The following RWDD1 variants were observed in gnomAD, a reference collection of about 807,000 sequenced individuals.
The protein encoded by RWDD1 is RWD domain containing 1.
Under a neutral mutation model 31.6 loss-of-function variants are expected in RWDD1, and 17 were observed. The ratio of observed to expected loss-of-function variants is 0.54; its 90% CI spans 0.37 to 0.81. RWDD1 has a LOEUF of 0.81. RWDD1 is among the 30% of genes least tolerant of loss of function. The pLI is 0.00. For synonymous variants in RWDD1, 78 were observed against 94.2 expected, an observed-to-expected ratio of 0.83 and a Z score of 0.99; for missense variants, 204 against 274.5, an observed-to-expected ratio of 0.74 and a Z score of 1.82.
chr6:116,583,238 A>G (rs531236701), intron 2 of RWDD1, among the ~76,000 whole-genome samples: 4 of 152,228 alleles, frequency 2.6e-5, no homozygotes, highest in East Asian at 1.9e-4. Context: ...TGGCTGTCCA[A>G]AGTACTGAGA....
intron 3 of RWDD1, among the ~76,000 whole-genome samples, chr6:116,585,228 C>T (rs2115331696): frequency 6.6e-6 from 1 of 151,916 alleles, no homozygotes; most frequent in South Asian, 2.1e-4. Context: ...CTTCTTCCCT[C>T]TCTGACTTTT....
intron 1 of RWDD1, among the ~76,000 whole-genome samples, chr6:116,578,885 C>CTT (rs34666862): frequency 1.3e-5 from 2 of 151,464 alleles, no homozygotes; most frequent in Admixed American, 6.6e-5. Context: ...TTGGGGTTTT[C>CTT]TTTTTTTTGA....
Position 116,580,300 on chromosome 6 carries a change from T to C in RWDD1, c.79T>C (p.Ser27Pro). The change falls in exon 2 of 7, where the codon TCA (serine) becomes CCA (proline). Residue 27 changes from serine to proline, a missense_variant. By Grantham distance (74) the Ser-to-Pro change is moderately conservative. Coordinates refer to ENST00000466444, the MANE Select transcript of RWDD1 (RefSeq NM_015952.4). ...SIYPDSFTVL[S>P]ENPPSFTITV... is the part of the protein sequence containing the mutation. ...CTGTGTGTATTTTCTTGCAGTATTA[T>C]CAGAAAATCCACCCAGCTTCACCAT... is the stretch of plus-strand genomic sequence containing the variant. 1.9e-6 allele frequency: 3 copies of C among 1,599,770 alleles called. No individual in the cohort carries two copies. Among genetic ancestry groups the C allele is most frequent in the Non-Finnish European group, 2.6e-6 (3 of 1,170,478 alleles).
At chr6:116,583,062 C>T (rs1774976422) in intron 2 of RWDD1, among the ~76,000 whole-genome samples, 1 of 151,724 alleles carries the variant, frequency 6.6e-6, no homozygotes, top group South Asian at 2.1e-4. Flanking sequence ...ACTGCAGCCT[C>T]CAACTCCTGG....
chr6:116,584,915 T>C (rs890763299), intron 3 of RWDD1, 58 bp downstream of exon 3: 1 of 1,340,208 alleles, frequency 7.5e-7, no homozygotes, highest in Non-Finnish European at 1.1e-6. Context: ...AAATATTACA[T>C]ATTAATTTCA....
At chr6:116,576,623 C>A (rs1583329573) in intron 1 of RWDD1, among the ~76,000 whole-genome samples, 1 of 151,914 alleles carries the variant, frequency 6.6e-6, no homozygotes, top group Non-Finnish European at 1.5e-5. Context: ...TCCTCATTTA[C>A]CAAATAGTTA....
At chr6:116,588,119 G>C (rs939035418) in intron 3 of RWDD1, among the ~76,000 whole-genome samples, 1 of 152,130 alleles carries the variant, frequency 6.6e-6, no homozygotes, top group Non-Finnish European at 1.5e-5. Context: ...AGAAGCCCTA[G>C]TGAATTTGAT....
At chr6:116,592,756 G>A (rs952027854) in intron 6 of RWDD1, among the ~76,000 whole-genome samples, 1 of 151,786 alleles carries the variant, frequency 6.6e-6, no homozygotes, top group Non-Finnish European at 1.5e-5. Flanking sequence ...TTTAATAACT[G>A]GATTTTTAGA....
chr6:116,594,055 G>C lies in RWDD1; in HGVS notation c.*954G>C, dbSNP rs1282094973. ...ACGCTGCTTCCACTCATGGTAGAAG[G>C]GGAAGAGGCACTATGTGTGTAGAGA... On this transcript the variant is annotated 3_prime_UTR_variant, in exon 7 of 7. Transcript: ENST00000466444. 6.6e-6 allele frequency: 1 copy of C among 151,116 alleles called. No individual in the cohort carries two copies. Among genetic ancestry groups the C allele is most frequent in the Non-Finnish European group, 1.5e-5 (1 of 68,080 alleles). The allele number at this position is 151,116 out of a possible 1,614,324, so 9.4% of individuals were successfully genotyped here. A position where few individuals can be genotyped will look rare whatever the true frequency, so the allele number is the denominator to read the frequency against.
At position 116,575,956 on chromosome 6, in the gene RWDD1, G is replaced by A. The variant is rs1327042618; in HGVS notation, c.73+4301G>A. 2.0e-5 allele frequency among the ~76,000 whole-genome samples: 3 copies of A among 152,306 alleles called. No individual in the cohort carries two copies. The East Asian group carries it at 5.8e-4, about 29-fold the overall frequency. On this transcript the variant is annotated intron_variant, in intron 1 of 6. Coordinates refer to ENST00000466444, the MANE Select transcript of RWDD1 (RefSeq NM_015952.4). ...CTTTTTAGTGGGAACTTAGTCATTTGGTGAGAGCTAGCTGGAAATGAAACT... is the reference window on the plus strand; with the variant it reads ...CTTTTTAGTGGGAACTTAGTCATTTAGTGAGAGCTAGCTGGAAATGAAACT...
chr6:116,579,283 A>G (rs1401288101), intron 1 of RWDD1, among the ~76,000 whole-genome samples: 6 of 152,240 alleles, frequency 3.9e-5, no homozygotes, highest in African/African-American at 1.4e-4. Flanking sequence ...TTGCTCTTTC[A>G]TTCTGAAAAA....
At chr6:116,586,421 T>C (rs1160484152) in intron 3 of RWDD1, among the ~76,000 whole-genome samples, 4 of 152,136 alleles carry the variant, frequency 2.6e-5, no homozygotes, top group Non-Finnish European at 4.4e-5. Flanking sequence ...TGTTTTATAA[T>C]ATTCTCTTTT....
rs1775218451 is a variant in RWDD1, at chr6:116,595,035, G to GA, written c.*1937dup. ...AATGTTCAGCATTTCTTTGCAGAGA[G>GA]AAATCCAAAAGTTTGTCCTATGTGA... On this transcript the variant is annotated 3_prime_UTR_variant, in exon 7 of 7. Coordinates refer to ENST00000466444, the MANE Select transcript of RWDD1 (RefSeq NM_015952.4). 2.0e-5 allele frequency: 3 copies of GA among 152,200 alleles called. No individual in the cohort carries two copies. Among genetic ancestry groups the GA allele is most frequent in the Non-Finnish European group, 4.4e-5 (3 of 68,034 alleles). The allele number at this position is 152,200 out of a possible 1,614,324, so 9.4% of individuals were successfully genotyped here.
intron 5 of RWDD1, 80 bp from the exon 6 acceptor site, chr6:116,590,808 A>G: frequency 1.3e-6 from 2 of 1,487,520 alleles, no homozygotes; most frequent in Admixed American, 6.0e-5. Flanking sequence ...GAGGTTTTCA[A>G]ATTTGCTTTC....
rs1031693052 is a variant in RWDD1 at position 116,581,678 on chromosome 6, A to G, written c.139+1318A>G. On this transcript the variant is annotated intron_variant, in intron 2 of 6. Coordinates refer to ENST00000466444, the MANE Select transcript of RWDD1 (RefSeq NM_015952.4). ...CGATCTCACAGGTAATTAAAAATGC[A>G]AGCTAAAATAATATATCCAGCAAAT... 3.9e-5 allele frequency among the ~76,000 whole-genome samples: 6 copies of G among 152,188 alleles called. No individual in the cohort carries two copies. The South Asian group carries it at 6.2e-4, about 16-fold the overall frequency.
Position 116,572,753 on chromosome 6 carries a change from TAA to T in RWDD1, c.73+1100_73+1101del, listed in dbSNP as rs145478604. The T allele has an allele frequency of 1.7e-3, 1,114 of 673,756 alleles. 7 individuals carry two copies. The African/African-American group carries it at 0.021, about 13-fold the overall frequency. The allele number at this position is 673,756 out of a possible 1,614,324, so 41.7% of individuals were successfully genotyped here. On this transcript the variant is annotated intron_variant, in intron 1 of 6. Transcript: ENST00000466444. ...GTGTAAGGTATATTACTTTAACTTA[TAA>T]ATTCCAACCCCTCTCCCTTTCATTG...
chr6:116,579,119 G>A lies in RWDD1; in HGVS notation c.74-1176G>A, dbSNP rs181762975. Among the ~76,000 whole-genome samples the A allele has an allele frequency of 3.3e-3, 502 of 152,222 alleles. 13 individuals are homozygous for A. Among genetic ancestry groups the A allele is most frequent in the Admixed American group, 0.024 (369 of 15,294 alleles). ...TCGAACTCCTGGCTTCAAGTGATCCGCCCGCCTTGGCCTCCCAAAGTGCTG... is the reference window on the plus strand; with the variant it reads ...TCGAACTCCTGGCTTCAAGTGATCCACCCGCCTTGGCCTCCCAAAGTGCTG... On this transcript the variant is annotated intron_variant, in intron 1 of 6. Coordinates refer to ENST00000466444, the MANE Select transcript of RWDD1 (RefSeq NM_015952.4).
chr6:116,590,680 T>A (rs1775126059), intron 5 of RWDD1, among the ~76,000 whole-genome samples: 2 of 152,136 alleles, frequency 1.3e-5, no homozygotes. Context: ...AACCCATTTG[T>A]TTTTCTAGTA....
rs62424398 is a variant in RWDD1 at position 116,596,987 on chromosome 6, A to G, written c.*3886A>G. The G allele has an allele frequency of 0.049, 7,512 of 152,244 alleles. 197 individuals are homozygous for G. The highest frequency in any genetic ancestry group is 0.078 in the South Asian group (374 of 4,822). 9.4% of individuals were successfully genotyped at this position (152,244 alleles called of 1,614,324 possible). ...ACTTACAAAGTCACTCTGCGATTTCAGTAAGGCCCATTCCCAACATGAGTG... is the reference window on the plus strand; with the variant it reads ...ACTTACAAAGTCACTCTGCGATTTCGGTAAGGCCCATTCCCAACATGAGTG... On this transcript the variant is annotated 3_prime_UTR_variant, in exon 7 of 7. Transcript: ENST00000466444.
Sources: allele counts gnomAD v4.1 joint callset (sites outside exome capture counted in the v4.1 genomes callset), GRCh38; gene constraint gnomAD v4.1.1; transcripts MANE v1.5; gene names NCBI Gene and HGNC (gene_info 2026-07-23, HGNC 2026-07-21).